The following TAS1R1 variants were observed in gnomAD, a reference collection of about 807,000 sequenced individuals.
TAS1R1 encodes the protein taste receptor type 1 member 1.
TAS1R1 carries 31 observed loss-of-function variants against 45.8 expected under a neutral mutation model. That is an observed-to-expected ratio of 0.68 (90% CI 0.51 to 0.91). TAS1R1 has a LOEUF of 0.91. TAS1R1 is among the 40% of genes least tolerant of loss of function. The probability of loss-of-function intolerance (pLI) is 0.00; values close to 1 mark genes in which losing one functional copy is unlikely to be tolerated. For missense variants in TAS1R1, 1,051 were observed against 1,063.9 expected (o/e 0.99, Z 0.17); for synonymous variants, 437 against 448.4 (o/e 0.97, Z 0.32).
At chr1:6,563,733 C>T (rs969583426) in intron 1 of TAS1R1, among the ~76,000 whole-genome samples, 3 of 151,920 alleles carry the variant, frequency 2.0e-5, no homozygotes, top group Non-Finnish European at 4.4e-5. Context: ...CTACGTGGGG[C>T]AGCCAAGGGA....
At chr1:6,570,630 A>C (rs958224542) in intron 1 of TAS1R1, among the ~76,000 whole-genome samples, 2 of 152,032 alleles carry the variant, frequency 1.3e-5, no homozygotes, top group Non-Finnish European at 2.9e-5. Context: ...CCTTAAACTA[A>C]ATTTCTCACT....
chr1:6,561,714 C>CAAA (rs33969940), intron 1 of TAS1R1, among the ~76,000 whole-genome samples: 2 of 137,782 alleles, frequency 1.5e-5, no homozygotes, highest in Non-Finnish European at 1.5e-5. Context: ...GTTTCCGTCT[C>CAAA]AAAAAAAAAA....
rs1171937126 is a variant in TAS1R1 at position 6,579,491 on chromosome 1, G to A, written c.2433G>A (p.Lys811=). ...SSGFGGYFLP[K]CYVILCRPDL... is the part of the protein sequence containing the mutation. ...GCTTCGGTGGGTATTTTCTGCCTAA[G>A]TGCTACGTGATCCTCTGCCGCCCAG... The change falls in exon 6 of 6, where the codon AAG becomes AAA. Residue 811 remains lysine (K), a synonymous_variant. Coordinates refer to ENST00000333172, the MANE Select transcript of TAS1R1 (RefSeq NM_138697.4). 8.1e-6 allele frequency: 13 copies of A among 1,613,988 alleles called. No homozygotes were observed. The highest frequency in any genetic ancestry group is 8.5e-7 in the Non-Finnish European group (1 of 1,180,040).
At chr1:6,569,772 G>A (rs1477765962) in intron 1 of TAS1R1, among the ~76,000 whole-genome samples, 1 of 152,168 alleles carries the variant, frequency 6.6e-6, no homozygotes, top group African/African-American at 2.4e-5. Context: ...GCCAGAGGAA[G>A]CCCTTGGCCC....
intron 5 of TAS1R1, among the ~76,000 whole-genome samples, chr1:6,578,432 G>A (rs1640247324): frequency 1.3e-5 from 2 of 152,112 alleles, no homozygotes; most frequent in South Asian, 4.1e-4. Context: ...GGGATCATGA[G>A]CCATACAGAA....
chr1:6,562,260 CCAGGTT>C (rs1445779483), intron 1 of TAS1R1, among the ~76,000 whole-genome samples: 3 of 152,146 alleles, frequency 2.0e-5, no homozygotes, highest in Non-Finnish European at 4.4e-5. Flanking sequence ...GCTCTGCCTC[CCAGGTT>C]CACATCATTC....
chr1:6,562,734 TAAG>T (rs1185454378), intron 1 of TAS1R1, among the ~76,000 whole-genome samples: 1 of 152,152 alleles, frequency 6.6e-6, no homozygotes. Flanking sequence ...TTTTGGGGCT[TAAG>T]AAGACTAGGG....
At chr1:6,578,563 T>C in intron 5 of TAS1R1, 90 bp from the exon 6 acceptor site, 1 of 1,507,936 alleles carries the variant, frequency 6.6e-7, no homozygotes, top group East Asian at 2.3e-5. Flanking sequence ...GCTGCCCTGG[T>C]ACAATTCTCC....
intron 1 of TAS1R1, among the ~76,000 whole-genome samples, chr1:6,558,144 G>C (rs1204594343): frequency 6.6e-6 from 1 of 151,092 alleles, no homozygotes; most frequent in Non-Finnish European, 1.5e-5. Flanking sequence ...TTGGGCCTCA[G>C]TGAGGCCCTA....
In TAS1R1 at chr1:6,579,001, G is replaced by A. The variant is rs1441299287; in HGVS notation, c.1943G>A (p.Cys648Tyr). The A allele has an allele frequency of 5.0e-6, 8 of 1,614,034 alleles. No individual in the cohort carries two copies. The highest frequency in any genetic ancestry group is 1.7e-5 in the Admixed American group (1 of 60,000). ...FALGFTIFLS[C>Y]LTVRSFQLII... ...CTTGGTTTCACCATCTTCCTGTCCT[G>A]CCTGACAGTTCGCTCATTCCAACTA... The change falls in exon 6 of 6, where the codon TGC becomes TAC. Residue 648 changes from cysteine to tyrosine, a missense_variant. Cys to Tyr is a radical substitution (Grantham distance 194). Transcript: ENST00000333172.
chr1:6,569,260 CAG>C (rs1271779518), intron 1 of TAS1R1, among the ~76,000 whole-genome samples: 1 of 151,926 alleles, frequency 6.6e-6, no homozygotes, highest in African/African-American at 2.4e-5. Flanking sequence ...GGAAGAGTGA[CAG>C]AGGGTGAGTT....
chr1:6,556,764 A>G (rs1319261142), intron 1 of TAS1R1, among the ~76,000 whole-genome samples: 2 of 151,756 alleles, frequency 1.3e-5, no homozygotes, highest in African/African-American at 4.8e-5. Flanking sequence ...TAATCCCAGC[A>G]CTTTGGGAGG....
intron 1 of TAS1R1, among the ~76,000 whole-genome samples, chr1:6,566,510 A>C (rs1639874393): frequency 6.6e-6 from 1 of 152,136 alleles, no homozygotes; most frequent in South Asian, 2.1e-4. Flanking sequence ...GTGTTGGTCA[A>C]AGAAGACCAC....
intron 1 of TAS1R1, among the ~76,000 whole-genome samples, chr1:6,560,982 GT>G (rs1402797589): frequency 4.5e-5 from 2 of 44,552 alleles, no homozygotes; most frequent in East Asian, 1.4e-3. Context: ...GGAAGACTCT[GT>G]CTCAAAAAAA....
intron 1 of TAS1R1, among the ~76,000 whole-genome samples, chr1:6,568,461 GAA>G (rs577853147): frequency 4.7e-5 from 5 of 106,342 alleles, no homozygotes; most frequent in East Asian, 2.6e-4. Flanking sequence ...TCTCAAAAAA[GAA>G]AAAAAAAAAA....
Position 6,571,206 on chromosome 1 carries a change from G to T in TAS1R1, c.489G>T (p.Leu163=). Residue 163 remains leucine, a synonymous_variant, in exon 2 of 6, where the codon CTG becomes CTT. Transcript: ENST00000333172. ...ATTAALLSPF[L]VPMISYAASS... is the part of the protein sequence containing the mutation. ...CAGCCGCCCTGCTGAGCCCTTTCCT[G>T]GTGCCCATGGTAAGCTGGAGCCTCA... The T allele has an allele frequency of 1.3e-6, 2 of 1,561,858 alleles. No homozygotes were observed. The highest frequency in any genetic ancestry group is 2.4e-5 in the South Asian group (2 of 82,128).
chr1:6,559,482 AC>A (rs1351824707), intron 1 of TAS1R1, among the ~76,000 whole-genome samples: 3 of 149,166 alleles, frequency 2.0e-5, no homozygotes, highest in East Asian at 4.0e-4. Flanking sequence ...ACACAGTGAA[AC>A]CCTGTCTCTA....
rs1441795030 is a variant in TAS1R1 at position 6,555,886 on chromosome 1, T to TTTTTG, written c.191+325_191+326insTGTTT. 2.6e-3 allele frequency among the ~76,000 whole-genome samples: 334 copies of TTTTTG among 130,890 alleles called. 6 individuals carry two copies. Among genetic ancestry groups the TTTTTG allele is most frequent in the Non-Finnish European group, 4.1e-3 (256 of 62,430 alleles). 85.9% of individuals were successfully genotyped at this position (130,890 alleles called of 152,430 possible). ...CTCTTCTTTTTTTTTTTTTTTTTTT[T>TTTTTG]TTTGAGACGGAGTCTCGCTCTTTCA... On this transcript the variant is annotated intron_variant, in intron 1 of 5. Coordinates refer to ENST00000333172, the MANE Select transcript of TAS1R1 (RefSeq NM_138697.4).
At chr1:6,558,156 C>A (rs1381942818) in intron 1 of TAS1R1, among the ~76,000 whole-genome samples, 1 of 151,622 alleles carries the variant, frequency 6.6e-6, no homozygotes, top group African/African-American at 2.4e-5. Context: ...GAGGCCCTAG[C>A]CTCCTTACTA....
Sources: gnomAD v4.1 joint callset for allele counts (sites outside exome capture counted in the v4.1 genomes callset) on GRCh38, gnomAD v4.1.1 for gene constraint, MANE v1.5 for transcripts, NCBI Gene and HGNC (gene_info 2026-07-23, HGNC 2026-07-21) for gene names.